FAR2: variants seen among roughly 807,000 people sequenced by gnomAD.
FAR2 encodes the protein epididymis secretory protein Li 81.
In FAR2, 19 loss-of-function variants were observed where a neutral mutation model predicts 56.0. The ratio of observed to expected loss-of-function variants is 0.34; its 90% CI spans 0.24 to 0.50. FAR2 has a LOEUF of 0.50. Among genes scored for constraint, FAR2 ranks in the 20% least tolerant of loss-of-function variants. The pLI is 0.98. For missense variants in FAR2, 508 were observed against 642.2 expected (o/e 0.79, Z 2.26); for synonymous variants, 219 against 218.8 (o/e 1.00, Z -0.01).
At chr12:29,312,020 T>C in intron 8 of FAR2, 70 bp downstream of exon 8, 1 of 1,161,264 alleles carries the variant, frequency 8.6e-7, no homozygotes. Flanking sequence ...ACAAAGTGTG[T>C]CATGGAGCTT....
chr12:29,282,108 T>C (rs1376994109), intron 2 of FAR2: 1 of 152,096 alleles, frequency 6.6e-6, no homozygotes, highest in African/African-American at 2.4e-5. Context: ...AACCTGCACC[T>C]TTACCCCCTC....
In FAR2 at chr12:29,175,032, C is replaced by G. The variant is rs1424678640; in HGVS notation, c.-39+25625C>G. Among the ~76,000 whole-genome samples, 3 of 152,168 alleles carry G rather than the reference C, an allele frequency of 2.0e-5. No individual in the cohort carries two copies. The East Asian group carries it at 5.8e-4, about 29-fold the overall frequency. On this transcript the variant is annotated intron_variant, in intron 1 of 11. Coordinates refer to ENST00000536681, the MANE Select transcript of FAR2 (RefSeq NM_001271783.2). ...AAGAGTTGGGGGTTGTTAGAGAGCC[C>G]TTTCCCAGAAAGCCTGACACTCATG...
rs111475343 is a variant in FAR2, at chr12:29,292,111, C to T, written c.190-1189C>T. ...AATATGGGATCTTGGTGCTGTTCAA[C>T]GTTGCACAGGTTGTCTGAAAGTATA... On this transcript the variant is annotated intron_variant, in intron 2 of 11. Coordinates refer to ENST00000536681, the MANE Select transcript of FAR2 (RefSeq NM_001271783.2). 12 of 152,234 alleles carry T rather than the reference C, an allele frequency of 7.9e-5. 1 individual carries two copies. The highest frequency in any genetic ancestry group is 1.9e-4 in the African/African-American group (8 of 41,544). The allele number at this position is 152,234 out of a possible 1,614,324, so 9.4% of individuals were successfully genotyped here.
rs1947756576 is a variant in FAR2, at chr12:29,225,717, A to C, written c.-38-44695A>C. Among the ~76,000 whole-genome samples the C allele has an allele frequency of 2.0e-5, 3 of 152,204 alleles. No individual in the cohort carries two copies. In the South Asian group the frequency reaches 6.2e-4, roughly 32 times the overall value. On this transcript the variant is annotated intron_variant, in intron 1 of 11. Transcript: ENST00000536681. ...CAAAATAAACAAGCAGCGAAGGTAA[A>C]TGAAGAGAATGATTTTCTGTCTCCA...
intron 1 of FAR2, among the ~76,000 whole-genome samples, chr12:29,200,367 G>A (rs555221982): frequency 6.6e-6 from 1 of 152,338 alleles, no homozygotes; most frequent in South Asian, 2.1e-4. Flanking sequence ...ATCAAGTGGT[G>A]TAGAAACGAA....
chr12:29,311,297 T>C, intron 7 of FAR2, 151 bp downstream of exon 7: 1 of 604,628 alleles, frequency 1.7e-6, no homozygotes, highest in Admixed American at 2.7e-5. Flanking sequence ...TAATATGCCA[T>C]CATATATGCA....
chr12:29,236,275 T>G (rs1947939624), intron 1 of FAR2, among the ~76,000 whole-genome samples: 1 of 152,170 alleles, frequency 6.6e-6, no homozygotes, highest in Non-Finnish European at 1.5e-5. Flanking sequence ...GCGCTTTTGT[T>G]ACTAAACTTT....
intron 10 of FAR2, among the ~76,000 whole-genome samples, chr12:29,324,580 GT>G (rs1555125648): frequency 6.6e-6 from 1 of 152,208 alleles, no homozygotes. Flanking sequence ...CCAGAAGAGA[GT>G]GGGGGCCGAC....
chr12:29,331,031 G>A (rs1949723811), intron 10 of FAR2, among the ~76,000 whole-genome samples: 1 of 152,082 alleles, frequency 6.6e-6, no homozygotes, highest in South Asian at 2.1e-4. Context: ...TTTATTGAAT[G>A]TCTACTTTGT....
intron 1 of FAR2, among the ~76,000 whole-genome samples, chr12:29,210,270 AATT>A (rs1947529058): frequency 6.6e-6 from 1 of 152,196 alleles, no homozygotes; most frequent in African/African-American, 2.4e-5. Flanking sequence ...GAAAAAAAGC[AATT>A]ATTATCACAA....
chr12:29,181,911 G>A (rs1011066129), intron 1 of FAR2, among the ~76,000 whole-genome samples: 1 of 152,208 alleles, frequency 6.6e-6, no homozygotes, highest in African/African-American at 2.4e-5. Context: ...ATAAATGGAG[G>A]TTAAAGATGA....
At chr12:29,268,869 A>C (rs1192983015) in intron 1 of FAR2, among the ~76,000 whole-genome samples, 1 of 152,110 alleles carries the variant, frequency 6.6e-6, no homozygotes, top group African/African-American at 2.4e-5. Context: ...AAAAACCAGC[A>C]AGTTTTTATT....
At chr12:29,295,785 G>A (rs1245227692) in intron 3 of FAR2, among the ~76,000 whole-genome samples, 1 of 110,890 alleles carries the variant, frequency 9.0e-6, no homozygotes, top group Non-Finnish European at 1.7e-5. Flanking sequence ...TTTTTGAGAC[G>A]GAGTCTCGCT....
intron 9 of FAR2, among the ~76,000 whole-genome samples, chr12:29,320,235 G>A (rs1040613364): frequency 2.0e-5 from 3 of 152,076 alleles, no homozygotes; most frequent in Non-Finnish European, 4.4e-5. Flanking sequence ...TTCTCTATCT[G>A]GGAGTAATAC....
At chr12:29,245,985 G>A (rs1338174524) in intron 1 of FAR2, among the ~76,000 whole-genome samples, 1 of 151,538 alleles carries the variant, frequency 6.6e-6, no homozygotes, top group Non-Finnish European at 1.5e-5. Flanking sequence ...CCTTCCTATA[G>A]TCACCTTACT....
At chr12:29,228,104 A>C (rs1403084005) in intron 1 of FAR2, among the ~76,000 whole-genome samples, 1 of 151,790 alleles carries the variant, frequency 6.6e-6, no homozygotes, top group African/African-American at 2.4e-5. Flanking sequence ...CATATTGTGC[A>C]CATGTACCCT....
At chr12:29,253,956 A>AT (rs887101390) in intron 1 of FAR2, among the ~76,000 whole-genome samples, 5 of 152,104 alleles carry the variant, frequency 3.3e-5, no homozygotes, top group Admixed American at 6.5e-5. Flanking sequence ...CTTAAACTTG[A>AT]TTTTTTTAAA....
intron 1 of FAR2, among the ~76,000 whole-genome samples, chr12:29,237,821 A>T (rs1947963784): frequency 6.6e-6 from 1 of 152,160 alleles, no homozygotes. Flanking sequence ...TCAGTCAGTC[A>T]CTCTGAATCT....
intron 10 of FAR2, among the ~76,000 whole-genome samples, chr12:29,326,909 C>G (rs957482929): frequency 4.7e-5 from 7 of 148,524 alleles, no homozygotes; most frequent in African/African-American, 1.5e-4. Flanking sequence ...CCAGGGCAAT[C>G]AGGCAGGAGA....
Sources: allele counts gnomAD v4.1 joint callset (sites outside exome capture counted in the v4.1 genomes callset), GRCh38; gene constraint gnomAD v4.1.1; transcripts MANE v1.5; gene names NCBI Gene and HGNC (gene_info 2026-07-23, HGNC 2026-07-21).